ANK2: variants seen among roughly 807,000 people sequenced by gnomAD.
The protein encoded by ANK2 is ankyrin-2.
In ANK2, 83 loss-of-function variants were observed where a neutral mutation model predicts 360.5. The ratio of observed to expected loss-of-function variants is 0.23; its 90% CI spans 0.19 to 0.28. The LOEUF (loss-of-function observed/expected upper bound fraction) is 0.28, where lower values mean the gene tolerates loss of function less well. ANK2 is among the 10% of genes least tolerant of loss of function. The pLI is 1.00. For synonymous variants in ANK2, 1,740 were observed against 1,759.5 expected (o/e 0.99, Z 0.28); for missense variants, 4,201 against 4,795.7 (o/e 0.88, Z 3.66).
intron 1 of ANK2, chr4:113,146,116 C>T (rs921716639): frequency 8.7e-7 from 1 of 1,151,040 alleles, no homozygotes; most frequent in East Asian, 5.9e-5. Flanking sequence ...CAGAATAAAG[C>T]CAATGTGATC....
chr4:113,308,263 G>A (rs2078203538), intron 23 of ANK2, among the ~76,000 whole-genome samples: 1 of 152,170 alleles, frequency 6.6e-6, no homozygotes, highest in Non-Finnish European at 1.5e-5. Context: ...AAGTAGTCGT[G>A]CTATTTGCTC....
At chr4:113,116,328 T>G (rs2094772880) in intron 1 of ANK2, among the ~76,000 whole-genome samples, 1 of 152,184 alleles carries the variant, frequency 6.6e-6, no homozygotes, top group South Asian at 2.1e-4. Context: ...TATCCCTGCC[T>G]TCCTCTCCCT....
intron 9 of ANK2, among the ~76,000 whole-genome samples, chr4:113,246,297 A>G (rs1381309241): frequency 2.0e-5 from 3 of 152,200 alleles, no homozygotes; most frequent in Non-Finnish European, 4.4e-5. Context: ...AGAGGCTTTC[A>G]GATAATTAAG....
intron 45 of ANK2, 152 bp downstream of exon 45, chr4:113,373,601 A>C: frequency 1.2e-6 from 1 of 851,386 alleles, no homozygotes. Context: ...TTTTGTTTTC[A>C]TGATTCTATG....
the ANK2 span, among the ~76,000 whole-genome samples, chr4:112,757,928 G>A: frequency 6.8e-6 from 1 of 147,598 alleles, no homozygotes; most frequent in Non-Finnish European, 1.5e-5. Context: ...TTCTCAGGCT[G>A]GCGTGCAATG....
chr4:112,760,388 C>T, the ANK2 span, among the ~76,000 whole-genome samples: 1 of 151,968 alleles, frequency 6.6e-6, no homozygotes, highest in African/African-American at 2.4e-5. Context: ...AGGGTTTCAC[C>T]GTGTTAGCGA....
At chr4:112,892,771 A>T (rs1461712923) in intron 1 of ANK2, among the ~76,000 whole-genome samples, 1 of 152,178 alleles carries the variant, frequency 6.6e-6, no homozygotes, top group South Asian at 2.1e-4. Flanking sequence ...TTTAAGGCAT[A>T]ATTGTTCTTT....
rs73841964 is a variant in ANK2 at position 113,336,739 on chromosome 4, G to A, written c.3754G>A (p.Gly1252Arg). Residue 1252 changes from glycine (G) to arginine (R), a missense_variant, in exon 31 of 46, where the codon GGG (glycine) becomes AGG (arginine). Coordinates refer to ENST00000357077, the MANE Select transcript of ANK2 (RefSeq NM_001148.6). ...AAGTGATGTCATGTTGAATGGTTTT[G>A]GGGGAGATGCACCAACCTTAAGATT... ...ASSDVMLNGF[G>R]GDAPTLRLLC... 6.2e-7 allele frequency: 1 copy of A among 1,614,062 alleles called. No individual in the cohort carries two copies. The highest frequency in any genetic ancestry group is 1.3e-5 in the African/African-American group (1 of 75,032).
intron 6 of ANK2, 75 bp from the exon 7 acceptor site, chr4:113,237,524 C>G: frequency 7.0e-7 from 1 of 1,427,310 alleles, no homozygotes; most frequent in Non-Finnish European, 9.9e-7. Context: ...CCAATTGCAG[C>G]GAGCAGATTG....
chr4:112,915,398 A>G (rs948106784), intron 2 of ANK2, among the ~76,000 whole-genome samples: 1 of 152,220 alleles, frequency 6.6e-6, no homozygotes, highest in Non-Finnish European at 1.5e-5. Flanking sequence ...GTTCCAAAGA[A>G]AAATATAAAA....
chr4:112,960,339 G>C (rs2034113035), intron 2 of ANK2, among the ~76,000 whole-genome samples: 1 of 150,234 alleles, frequency 6.7e-6, no homozygotes, highest in Non-Finnish European at 1.5e-5. Context: ...AGCAGCATTA[G>C]TGTCTGCCTT....
chr4:113,234,794 G>GT (rs2099358427), intron 5 of ANK2, among the ~76,000 whole-genome samples: 4 of 152,192 alleles, frequency 2.6e-5, no homozygotes, highest in Non-Finnish European at 5.9e-5. Context: ...AGAAATATTT[G>GT]AAGTTTTTAA....
chr4:112,950,649 G>GAAAAAAAAAA (rs55980674), intron 2 of ANK2, among the ~76,000 whole-genome samples: 1 of 118,780 alleles, frequency 8.4e-6, no homozygotes, highest in Non-Finnish European at 1.9e-5. Flanking sequence ...GTCTCAAAAA[G>GAAAAAAAAAA]AAAAAAAAAA....
At chr4:112,875,526 G>T (rs962890744) in intron 1 of ANK2, among the ~76,000 whole-genome samples, 2 of 138,590 alleles carry the variant, frequency 1.4e-5, no homozygotes, top group African/African-American at 2.6e-5. Context: ...GTAGAGATGA[G>T]AATCTTACTA....
rs2097205278 is a variant in ANK2 at position 113,383,731 on chromosome 4, A to C, written c.*2260A>C. ...AATTAAATAAAATGTACAAGTGTTAAATGTGGCAACGGTGATTTGTTCTTC... is the reference window on the plus strand; with the variant it reads ...AATTAAATAAAATGTACAAGTGTTACATGTGGCAACGGTGATTTGTTCTTC... On this transcript the variant is annotated 3_prime_UTR_variant, in exon 46 of 46. Coordinates refer to ENST00000357077, the MANE Select transcript of ANK2 (RefSeq NM_001148.6). 1 of 152,684 alleles carries C rather than the reference A, an allele frequency of 6.5e-6. No homozygotes were observed. The highest frequency in any genetic ancestry group is 6.5e-5 in the Admixed American group (1 of 15,290). 9.5% of individuals were successfully genotyped at this position (152,684 alleles called of 1,614,324 possible). A position where few individuals can be genotyped will look rare whatever the true frequency, so the allele number is the denominator to read the frequency against.
chr4:113,033,008 A>G (rs916588131), intron 2 of ANK2, among the ~76,000 whole-genome samples: 1 of 152,088 alleles, frequency 6.6e-6, no homozygotes, highest in African/African-American at 2.4e-5. Flanking sequence ...ATGTGCGTCC[A>G]TGTGGAATCA....
At chr4:113,216,187 TAAAACAGTATAAA>T in intron 4 of ANK2, among the ~76,000 whole-genome samples, 1 of 152,194 alleles carries the variant, frequency 6.6e-6, no homozygotes, top group African/African-American at 2.4e-5. Context: ...AGAAAATGAC[TAAAACAGTATAAA>T]TCTTCATAAA....
At chr4:113,359,366 G>A (rs999324024) in intron 38 of ANK2, 67 bp downstream of exon 38, 3 of 1,592,494 alleles carry the variant, frequency 1.9e-6, no homozygotes, top group Non-Finnish European at 2.6e-6. Context: ...TTTTTTGTAT[G>A]TTTGTTTTAT....
chr4:113,034,559 G>A (rs536547869), intron 2 of ANK2: 1 of 129,272 alleles, frequency 7.7e-6, no homozygotes, highest in South Asian at 2.4e-4. Context: ...CAAGAATCAT[G>A]TCTAAATTAT....
Sources: allele counts gnomAD v4.1 joint callset (sites outside exome capture counted in the v4.1 genomes callset), GRCh38; gene constraint gnomAD v4.1.1; transcripts MANE v1.5; gene names NCBI Gene and HGNC (gene_info 2026-07-23, HGNC 2026-07-21).